The following FAM114A2 variants were observed in gnomAD, a reference collection of about 807,000 sequenced individuals.
FAM114A2 encodes the protein family with sequence similarity 114 member A2.
Under a neutral mutation model 58.4 loss-of-function variants are expected in FAM114A2, and 53 were observed. That is an observed-to-expected ratio of 0.91 (90% confidence interval 0.73 to 1.14). The LOEUF is 1.14. FAM114A2 is among the 50% of genes most tolerant of loss of function. The pLI is 0.00. For missense variants in FAM114A2, 601 were observed against 581.1 expected (o/e 1.03, Z -0.35); for synonymous variants, 228 against 211.4 (o/e 1.08, Z -0.68).
intron 10 of FAM114A2, 152 bp from the exon 11 acceptor site, chr5:154,002,542 T>C: frequency 1.1e-6 from 1 of 916,410 alleles, no homozygotes; most frequent in African/African-American, 1.7e-5. Context: ...TGATATAATT[T>C]TACAGCTGGG....
At chr5:153,997,033 C>T (rs1265484066) in intron 12 of FAM114A2, among the ~76,000 whole-genome samples, 1 of 146,018 alleles carries the variant, frequency 6.8e-6, no homozygotes, top group African/African-American at 2.5e-5. Flanking sequence ...AAAAGATGTA[C>T]ATTAGGGAAA....
At chr5:154,024,709 A>G (rs1242120671) in intron 8 of FAM114A2, among the ~76,000 whole-genome samples, 3 of 152,290 alleles carry the variant, frequency 2.0e-5, no homozygotes, top group South Asian at 2.1e-4. Context: ...ACCTGAAACC[A>G]TATCATAAAA....
intron 9 of FAM114A2, among the ~76,000 whole-genome samples, chr5:154,007,115 T>C (rs1214342673): frequency 1.3e-5 from 2 of 152,152 alleles, no homozygotes; most frequent in Admixed American, 6.5e-5. Context: ...TTAGTAGGCA[T>C]AGAGCATACC....
chr5:154,013,717 A>T (rs531948541), intron 8 of FAM114A2, among the ~76,000 whole-genome samples: 37 of 152,356 alleles, frequency 2.4e-4, no homozygotes, highest in African/African-American at 8.9e-4. Context: ...TTTATAAATA[A>T]CTGAGGACTG....
intron 12 of FAM114A2, among the ~76,000 whole-genome samples, chr5:153,996,090 C>CA (rs1769538574): frequency 2.0e-5 from 3 of 152,042 alleles, no homozygotes. Context: ...CCCAAGCAGT[C>CA]AAAAAATCTT....
At chr5:154,038,529 TGATG>T (rs1772755741) in intron 1 of FAM114A2, 1 of 152,188 alleles carries the variant, frequency 6.6e-6, no homozygotes, top group Non-Finnish European at 1.5e-5. Context: ...CTTGGTGGGG[TGATG>T]GTTTGTATCC....
At chr5:154,016,169 T>C (rs551470489) in intron 8 of FAM114A2, among the ~76,000 whole-genome samples, 74 of 152,212 alleles carry the variant, frequency 4.9e-4, no homozygotes, top group African/African-American at 1.6e-3. Flanking sequence ...AGAAGAGAAA[T>C]GTAAAAGTTT....
intron 9 of FAM114A2, among the ~76,000 whole-genome samples, chr5:154,009,390 T>TA (rs1464676794): frequency 2.0e-5 from 3 of 151,774 alleles, no homozygotes; most frequent in Non-Finnish European, 4.4e-5. Flanking sequence ...GATAACAAAT[T>TA]AAAAAAAGAA....
intron 9 of FAM114A2, among the ~76,000 whole-genome samples, chr5:154,004,145 C>T (rs1360025323): frequency 1.3e-5 from 2 of 152,202 alleles, no homozygotes; most frequent in African/African-American, 4.8e-5. Context: ...ATGCAGTTCT[C>T]ATAACATATC....
In FAM114A2 at chr5:154,034,261, A is replaced by C; in HGVS notation, c.310+17T>G. On this transcript the variant is annotated intron_variant, in intron 3 of 13. Coordinates refer to ENST00000351797, the MANE Select transcript of FAM114A2 (RefSeq NM_018691.4). The stretch of plus-strand genomic sequence containing the variant: ...TAAATACACACACAAAAATAACTAA[A>C]TGACTGATGATCTTACCTACTGTAG... 1 of 1,446,208 alleles carries C rather than the reference A, an allele frequency of 6.9e-7. No individual in the cohort carries two copies. Among genetic ancestry groups the C allele is most frequent in the Non-Finnish European group, 9.5e-7 (1 of 1,056,470 alleles). The allele number at this position is 1,446,208 out of a possible 1,614,324, so 89.6% of individuals were successfully genotyped here. A position where few individuals can be genotyped will look rare whatever the true frequency, so the allele number is the denominator to read the frequency against.
intron 9 of FAM114A2, among the ~76,000 whole-genome samples, chr5:154,005,033 C>A (rs1223118980): frequency 6.6e-6 from 1 of 152,204 alleles, no homozygotes; most frequent in Non-Finnish European, 1.5e-5. Context: ...ATCCTCTACC[C>A]AGACATCATC....
chr5:154,030,709 A>T (rs1200233460), intron 4 of FAM114A2, among the ~76,000 whole-genome samples: 1 of 152,218 alleles, frequency 6.6e-6, no homozygotes. Flanking sequence ...CATAGCTAAA[A>T]AGTTCTAAGA....
intron 8 of FAM114A2, among the ~76,000 whole-genome samples, chr5:154,023,995 A>G (rs1055134899): frequency 1.3e-5 from 2 of 152,182 alleles, no homozygotes; most frequent in Admixed American, 6.5e-5. Context: ...TTTAATAGAC[A>G]TCTCAAATAA....
chr5:154,033,691 G>A lies in FAM114A2; in HGVS notation c.403+100C>T, dbSNP rs1166118523. ...CTCTTTCTCACTACAGTCCCACGAT[G>A]CCCTGAGTATCAGATGTCCAATAAA... On this transcript the variant is annotated intron_variant, in intron 4 of 13. Coordinates refer to ENST00000351797, the MANE Select transcript of FAM114A2 (RefSeq NM_018691.4). 1.1e-5 allele frequency: 8 copies of A among 696,574 alleles called. No individual in the cohort carries two copies. In the South Asian group the frequency reaches 1.3e-4, roughly 11 times the overall value. The allele number at this position is 696,574 out of a possible 1,614,324, so 43.1% of individuals were successfully genotyped here. A position where few individuals can be genotyped will look rare whatever the true frequency, so the allele number is the denominator to read the frequency against.
At position 154,035,019 on chromosome 5, in the gene FAM114A2, G is replaced by T. The variant is rs1479537625; in HGVS notation, c.-14-52C>A. The T allele has an allele frequency of 3.5e-6, 4 of 1,149,248 alleles. No homozygotes were observed. The Admixed American group carries it at 9.3e-5, about 27-fold the overall frequency. The allele number at this position is 1,149,248 out of a possible 1,614,324, so 71.2% of individuals were successfully genotyped here. A position where few individuals can be genotyped will look rare whatever the true frequency, so the allele number is the denominator to read the frequency against. On this transcript the variant is annotated intron_variant, in intron 1 of 13. Coordinates refer to ENST00000351797, the MANE Select transcript of FAM114A2 (RefSeq NM_018691.4). ...TTTATATAGGCTTCTTTGGTATAAA[G>T]TATTTGTTTAAACTTTTTAGTTTGA...
chr5:154,031,512 G>A (rs939149683), intron 4 of FAM114A2, among the ~76,000 whole-genome samples: 6 of 152,028 alleles, frequency 3.9e-5, no homozygotes, highest in Admixed American at 6.6e-5. Context: ...ACACATCCTT[G>A]GCAGAGGAAT....
At chr5:153,995,589 G>A (rs1387442459) in intron 12 of FAM114A2, among the ~76,000 whole-genome samples, 2 of 152,064 alleles carry the variant, frequency 1.3e-5, no homozygotes, top group Admixed American at 6.6e-5. Flanking sequence ...TAAAACAAAT[G>A]TAATGTTCAT....
rs1771938825 is a variant in FAM114A2 at position 154,028,257 on chromosome 5, C to T, written c.522G>A (p.Leu174=). 1 of 1,604,142 alleles carries T rather than the reference C, an allele frequency of 6.2e-7. No homozygotes were observed. Among genetic ancestry groups the T allele is most frequent in the Admixed American group, 1.7e-5 (1 of 59,766 alleles). ...STGKSVISGG[L]DALEFIGKKT... is the part of the protein sequence containing the mutation. ...TTTTTCCAATGAATTCTAAGGCATC[C>T]AAACCCCCACTTATAACACTCTTTC... is the stretch of plus-strand genomic sequence containing the variant. Residue 174 remains leucine, a synonymous_variant, in exon 6 of 14, where the codon TTG becomes TTA. Transcript: ENST00000351797.
chr5:154,005,802 A>C (rs1437502299), intron 9 of FAM114A2, among the ~76,000 whole-genome samples: 1 of 152,246 alleles, frequency 6.6e-6, no homozygotes, highest in Non-Finnish European at 1.5e-5. Context: ...ACATACACAG[A>C]ATGTGTTCAA....
Sources: allele counts gnomAD v4.1 joint callset (sites outside exome capture counted in the v4.1 genomes callset), GRCh38; gene constraint gnomAD v4.1.1; transcripts MANE v1.5; gene names NCBI Gene and HGNC (gene_info 2026-07-23, HGNC 2026-07-21).